Variants in SGCD observed in about 807,000 individuals in gnomAD.
The protein encoded by SGCD is sarcoglycan delta, also known as delta-sarcoglycan.
A neutral mutation model predicts 36.6 loss-of-function variants in SGCD; 18 were observed. The observed-to-expected ratio is 0.49, with a 90% confidence interval of 0.34 to 0.73. The LOEUF (loss-of-function observed/expected upper bound fraction) is 0.73, where lower values mean the gene tolerates loss of function less well. Ranked by LOEUF, SGCD falls within the 30% of genes least tolerant of loss-of-function variation. SGCD has a pLI of 0.01. For synonymous variants in SGCD, 133 were observed against 130.6 expected, an observed-to-expected ratio of 1.02 and a Z score of -0.12; for missense variants, 387 against 346.7, an observed-to-expected ratio of 1.12 and a Z score of -0.92.
chr5:156,191,467 T>C (rs1018777080), intron 3 of SGCD, among the ~76,000 whole-genome samples: 1 of 152,248 alleles, frequency 6.6e-6, no homozygotes, highest in East Asian at 1.9e-4. Context: ...ATGTTCAGAA[T>C]GTTAGGTATG....
At chr5:156,024,731 G>A (rs1195320961) in intron 1 of SGCD, among the ~76,000 whole-genome samples, 1 of 152,134 alleles carries the variant, frequency 6.6e-6, no homozygotes, top group Non-Finnish European at 1.5e-5. Flanking sequence ...GCTGAGATGG[G>A]CAGATTGCCT....
the SGCD span, among the ~76,000 whole-genome samples, chr5:155,825,382 A>G: frequency 6.6e-6 from 1 of 152,222 alleles, no homozygotes; most frequent in East Asian, 1.9e-4. Flanking sequence ...AGACTAGAAC[A>G]TATGTTCAGT....
At chr5:156,009,919 T>C (rs1365883599) in intron 1 of SGCD, among the ~76,000 whole-genome samples, 2 of 152,198 alleles carry the variant, frequency 1.3e-5, no homozygotes, top group Non-Finnish European at 2.9e-5. Context: ...AATAAAAAGC[T>C]AAGCATCAAC....
the SGCD span, among the ~76,000 whole-genome samples, chr5:155,860,669 G>A: frequency 2.0e-5 from 3 of 152,278 alleles, no homozygotes; most frequent in Admixed American, 6.5e-5. Flanking sequence ...ACCTTGCAAA[G>A]TATTCTTGAT....
chr5:156,389,212 T>A (rs1399648460), intron 3 of SGCD, among the ~76,000 whole-genome samples: 7 of 152,226 alleles, frequency 4.6e-5, no homozygotes, highest in Non-Finnish European at 1.0e-4. Flanking sequence ...ACCTTAACAA[T>A]TGTATATTTC....
At chr5:156,007,540 C>T (rs1214836706) in intron 1 of SGCD, among the ~76,000 whole-genome samples, 1 of 152,216 alleles carries the variant, frequency 6.6e-6, no homozygotes, top group East Asian at 1.9e-4. Context: ...TTTACTAAGC[C>T]TCCAGTCTGG....
chr5:156,715,926 C>T (rs1175437648), intron 7 of SGCD, among the ~76,000 whole-genome samples: 1 of 152,146 alleles, frequency 6.6e-6, no homozygotes, highest in Non-Finnish European at 1.5e-5. Context: ...TCCTGCGGGG[C>T]CTCACAGGGA....
intron 3 of SGCD, among the ~76,000 whole-genome samples, chr5:156,480,035 C>A (rs542926470): frequency 6.6e-6 from 1 of 152,112 alleles, no homozygotes; most frequent in Non-Finnish European, 1.5e-5. Flanking sequence ...TCTTCACCAT[C>A]TGACTGGGAT....
At chr5:156,478,034 A>G (rs1424191001) in intron 3 of SGCD, among the ~76,000 whole-genome samples, 1 of 152,002 alleles carries the variant, frequency 6.6e-6, no homozygotes, top group East Asian at 1.9e-4. Context: ...GAACAATCAG[A>G]GGGGGAGCAT....
chr5:156,365,214 G>A (rs1229108012), intron 3 of SGCD, among the ~76,000 whole-genome samples: 8 of 152,116 alleles, frequency 5.3e-5, no homozygotes, highest in Non-Finnish European at 5.9e-5. Flanking sequence ...GTGACTTATC[G>A]CTTCACACTC....
the SGCD span, among the ~76,000 whole-genome samples, chr5:155,773,862 CATG>C: frequency 6.6e-6 from 1 of 152,098 alleles, no homozygotes; most frequent in African/African-American, 2.4e-5. Context: ...AGCCGAAGGT[CATG>C]ATGATGTCAC....
At chr5:156,300,053 A>G (rs1349743828) in intron 3 of SGCD, among the ~76,000 whole-genome samples, 1 of 152,002 alleles carries the variant, frequency 6.6e-6, no homozygotes, top group Non-Finnish European at 1.5e-5. Context: ...CATTCAGTAT[A>G]ATACTACCTG....
chr5:156,059,680 A>G (rs1760154816), intron 1 of SGCD, among the ~76,000 whole-genome samples: 1 of 146,418 alleles, frequency 6.8e-6, no homozygotes, highest in South Asian at 2.1e-4. Flanking sequence ...TGCCTTCTCT[A>G]AGTCTGAATT....
intron 6 of SGCD, among the ~76,000 whole-genome samples, chr5:156,603,712 A>C (rs2113423039): frequency 6.6e-6 from 1 of 152,106 alleles, no homozygotes; most frequent in Admixed American, 6.5e-5. Flanking sequence ...TAAAGTTCTG[A>C]AGTTTTTCTT....
chr5:156,513,118 G>T (rs113186173), intron 4 of SGCD, among the ~76,000 whole-genome samples: 16 of 152,126 alleles, frequency 1.1e-4, no homozygotes, highest in African/African-American at 3.9e-4. Flanking sequence ...CACAAAAATT[G>T]AAATCAAGTA....
upstream of SGCD, among the ~76,000 whole-genome samples, chr5:155,868,339 A>G (rs1266506616): frequency 6.7e-6 from 1 of 149,064 alleles, no homozygotes; most frequent in African/African-American, 2.5e-5. Context: ...GGCATGAGCT[A>G]CTGTATCCAG....
chr5:156,127,714 C>T (rs1026232769), intron 3 of SGCD, among the ~76,000 whole-genome samples: 2 of 151,470 alleles, frequency 1.3e-5, no homozygotes, highest in South Asian at 4.2e-4. Flanking sequence ...CACATTACTT[C>T]AAAAGAAATA....
At chr5:156,500,597 G>T (rs892360634) in intron 3 of SGCD, among the ~76,000 whole-genome samples, 1 of 152,122 alleles carries the variant, frequency 6.6e-6, no homozygotes, top group African/African-American at 2.4e-5. Flanking sequence ...TCTGTTAATA[G>T]ATTTTATTAG....
At chr5:155,845,794 C>A in the SGCD span, among the ~76,000 whole-genome samples, 132 of 152,150 alleles carry the variant, frequency 8.7e-4, no homozygotes, top group African/African-American at 3.0e-3. Flanking sequence ...AATTCATTAT[C>A]TGTAAACCTG....
Sources: allele counts gnomAD v4.1 joint callset (sites outside exome capture counted in the v4.1 genomes callset), GRCh38; gene constraint gnomAD v4.1.1; transcripts MANE v1.5; gene names NCBI Gene and HGNC (gene_info 2026-07-23, HGNC 2026-07-21).